Variants in SATB2 observed in about 807,000 individuals in gnomAD.
SATB2 encodes the protein SATB homeobox 2.
Under a neutral mutation model 73.4 loss-of-function variants are expected in SATB2, and 1 was observed. The observed-to-expected ratio is 0.01, with a 90% CI of 0.00 to 0.06. The LOEUF is 0.06. SATB2 is among the 10% of genes least tolerant of loss of function. The pLI is 1.00. For missense variants in SATB2, 459 were observed against 945.8 expected (o/e 0.49, Z 6.75); for synonymous variants, 397 against 367.0 (o/e 1.08, Z -0.93).
chr2:199,303,958 C>G (rs953220974), intron 10 of SATB2, among the ~76,000 whole-genome samples: 5 of 152,138 alleles, frequency 3.3e-5, no homozygotes, highest in African/African-American at 1.2e-4. Flanking sequence ...GGTGGAAATA[C>G]AATAAAGCAC....
chr2:199,362,172 C>T (rs1015602842), intron 6 of SATB2, among the ~76,000 whole-genome samples: 1 of 152,162 alleles, frequency 6.6e-6, no homozygotes, highest in African/African-American at 2.4e-5. Flanking sequence ...GATAAATGTA[C>T]TGCCATTCTA....
At chr2:199,277,348 T>C (rs1574463583) in intron 10 of SATB2, among the ~76,000 whole-genome samples, 1 of 152,196 alleles carries the variant, frequency 6.6e-6, no homozygotes, top group Admixed American at 6.5e-5. Context: ...TATTTCGATA[T>C]AAAAGTTTAA....
chr2:199,358,878 A>G (rs1469076564), intron 6 of SATB2, among the ~76,000 whole-genome samples: 1 of 152,194 alleles, frequency 6.6e-6, no homozygotes, highest in African/African-American at 2.4e-5. Flanking sequence ...CCTCTGTACC[A>G]GAACACTATT....
At chr2:199,359,345 C>T (rs1689072337) in intron 6 of SATB2, among the ~76,000 whole-genome samples, 1 of 152,144 alleles carries the variant, frequency 6.6e-6, no homozygotes, top group Non-Finnish European at 1.5e-5. Flanking sequence ...TTCTCTAATT[C>T]GTACTTTATA....
chr2:199,321,022 A>G (rs1015569563), intron 9 of SATB2, among the ~76,000 whole-genome samples: 1 of 152,230 alleles, frequency 6.6e-6, no homozygotes. Flanking sequence ...GAGAAGGGAA[A>G]GCCCTTGCAT....
At chr2:199,312,791 T>G (rs1574495575) in intron 9 of SATB2, among the ~76,000 whole-genome samples, 1 of 152,170 alleles carries the variant, frequency 6.6e-6, no homozygotes, top group African/African-American at 2.4e-5. Context: ...TCTGATATAA[T>G]GTACTGCAAA....
rs375219754 is a variant in SATB2, at chr2:199,362,813, CT to C, written c.700+5791del. Among the ~76,000 whole-genome samples the C allele has an allele frequency of 3.6e-3, 547 of 152,208 alleles. 5 individuals are homozygous for C. Among genetic ancestry groups the C allele is most frequent in the African/African-American group, 0.013 (524 of 41,532 alleles). ...TGGAAAGCAGGAACTATGTCTTATG[CT>C]TCTTCCAAAGAGTAGGTATACATGA... On this transcript the variant is annotated intron_variant, in intron 6 of 10. Transcript: ENST00000417098.
intron 3 of SATB2, among the ~76,000 whole-genome samples, chr2:199,391,942 G>C (rs1485987679): frequency 2.0e-5 from 3 of 152,174 alleles, no homozygotes; most frequent in Non-Finnish European, 4.4e-5. Flanking sequence ...AGATAATCTG[G>C]AGGGTAGAAG....
intron 7 of SATB2, among the ~76,000 whole-genome samples, chr2:199,339,494 G>A (rs1387029388): frequency 6.6e-6 from 1 of 152,104 alleles, no homozygotes; most frequent in African/African-American, 2.4e-5. Flanking sequence ...TCAATAACGG[G>A]TTCATGCTTG....
chr2:199,332,868 C>G (rs1688228202), intron 7 of SATB2, among the ~76,000 whole-genome samples: 1 of 152,054 alleles, frequency 6.6e-6, no homozygotes, highest in Non-Finnish European at 1.5e-5. Flanking sequence ...TTGTCTGGGA[C>G]AGGTGAGAAA....
chr2:199,328,138 C>A (rs1222468448), intron 8 of SATB2, among the ~76,000 whole-genome samples: 6 of 152,148 alleles, frequency 3.9e-5, no homozygotes. Context: ...CTACCCCTCA[C>A]CTACCACGTA....
At chr2:199,284,830 AT>A (rs547072480) in intron 10 of SATB2, among the ~76,000 whole-genome samples, 30 of 152,214 alleles carry the variant, frequency 2.0e-4, no homozygotes, top group Admixed American at 2.6e-4. Context: ...TGTATCAACT[AT>A]TTTTTGTCAT....
chr2:199,447,251 G>A (rs1229794805), intron 2 of SATB2, among the ~76,000 whole-genome samples: 1 of 152,208 alleles, frequency 6.6e-6, no homozygotes, highest in Non-Finnish European at 1.5e-5. Context: ...TGTGGAATGA[G>A]AGCCAGAGTC....
At chr2:199,393,888 G>A (rs6758450) in intron 3 of SATB2, among the ~76,000 whole-genome samples, 2,779 of 149,928 alleles carry the variant, frequency 0.019, 88 homozygotes, top group African/African-American at 0.063. Flanking sequence ...CAGATCAACC[G>A]AAAAAAAAAT....
At chr2:199,337,422 ATAAC>A (rs908866447) in intron 7 of SATB2, among the ~76,000 whole-genome samples, 6 of 152,212 alleles carry the variant, frequency 3.9e-5, no homozygotes, top group Non-Finnish European at 5.9e-5. Flanking sequence ...TTAACATATC[ATAAC>A]TAACTTTCTA....
At chr2:199,439,282 C>T (rs1339788689) in intron 2 of SATB2, among the ~76,000 whole-genome samples, 1 of 152,252 alleles carries the variant, frequency 6.6e-6, no homozygotes, top group Non-Finnish European at 1.5e-5. Flanking sequence ...TCCTGAATGA[C>T]AGGAGCCAGT....
chr2:199,454,170 A>G (rs1381553333), intron 2 of SATB2, among the ~76,000 whole-genome samples: 1 of 152,114 alleles, frequency 6.6e-6, no homozygotes, highest in Non-Finnish European at 1.5e-5. Context: ...AACATGATAT[A>G]GAGGAGGGGA....
chr2:199,370,497 C>G (rs1259833860), intron 5 of SATB2, among the ~76,000 whole-genome samples: 1 of 152,150 alleles, frequency 6.6e-6, no homozygotes, highest in Non-Finnish European at 1.5e-5. Flanking sequence ...TCTGGAAAGG[C>G]ACAGGATACA....
At chr2:199,402,217 T>A (rs960007784) in intron 3 of SATB2, among the ~76,000 whole-genome samples, 2 of 152,092 alleles carry the variant, frequency 1.3e-5, no homozygotes, top group African/African-American at 4.8e-5. Flanking sequence ...AAACCCCGTC[T>A]CTACTAAAAA....
Sources: gnomAD v4.1 joint callset for allele counts (sites outside exome capture counted in the v4.1 genomes callset) on GRCh38, gnomAD v4.1.1 for gene constraint, MANE v1.5 for transcripts, NCBI Gene and HGNC (gene_info 2026-07-23, HGNC 2026-07-21) for gene names.